The following PLXNA4 variants were observed in gnomAD, a reference collection of about 807,000 sequenced individuals.
PLXNA4 encodes plexin A4.
In PLXNA4, 44 loss-of-function variants were observed where a neutral mutation model predicts 191.8. The ratio of observed to expected loss-of-function variants is 0.23; its 90% confidence interval spans 0.18 to 0.29. The LOEUF (loss-of-function observed/expected upper bound fraction) is 0.29, where lower values mean the gene tolerates loss of function less well. PLXNA4 is among the 10% of genes least tolerant of loss of function. The pLI is 1.00. For synonymous variants in PLXNA4, 1,082 were observed against 1,009.5 expected (o/e 1.07, Z -1.36); for missense variants, 1,800 against 2,488.8 (o/e 0.72, Z 5.89).
chr7:132,213,562 C>T (rs547346230), intron 9 of PLXNA4, among the ~76,000 whole-genome samples: 3 of 152,226 alleles, frequency 2.0e-5, no homozygotes, highest in South Asian at 2.1e-4. Flanking sequence ...TCCTGTGCCC[C>T]CCACCACAGC....
chr7:132,593,246 T>C (rs767906978), intron 2 of PLXNA4, among the ~76,000 whole-genome samples: 1 of 152,188 alleles, frequency 6.6e-6, no homozygotes, highest in Non-Finnish European at 1.5e-5. Context: ...TCTCCCTGCC[T>C]ACCCCAGCTC....
chr7:132,139,880 G>A (rs1483354978), intron 30 of PLXNA4, among the ~76,000 whole-genome samples: 1 of 152,218 alleles, frequency 6.6e-6, no homozygotes, highest in African/African-American at 2.4e-5. Context: ...GGGCTTCTGT[G>A]ATGAATAAAT....
intron 1 of PLXNA4, among the ~76,000 whole-genome samples, chr7:132,537,665 T>C (rs920813150): frequency 1.3e-5 from 2 of 152,172 alleles, no homozygotes; most frequent in Non-Finnish European, 1.5e-5. Context: ...TCTACTGTGC[T>C]GCATGGAAGT....
intron 4 of PLXNA4, among the ~76,000 whole-genome samples, chr7:132,296,217 T>C (rs1801073255): frequency 6.6e-6 from 1 of 152,150 alleles, no homozygotes; most frequent in Non-Finnish European, 1.5e-5. Flanking sequence ...TCCTTTCCAA[T>C]GTGCCCATAA....
At chr7:132,373,506 A>G (rs1253446821) in intron 3 of PLXNA4, among the ~76,000 whole-genome samples, 2 of 152,164 alleles carry the variant, frequency 1.3e-5, no homozygotes, top group African/African-American at 2.4e-5. Context: ...CTCCTCCTGG[A>G]CTAAGGGCTG....
intron 3 of PLXNA4, among the ~76,000 whole-genome samples, chr7:132,380,342 C>G (rs1197341030): frequency 6.6e-6 from 1 of 152,094 alleles, no homozygotes; most frequent in East Asian, 1.9e-4. Context: ...CACTTCTCCC[C>G]CAGGGAGACT....
chr7:132,134,279 TC>T (rs1385150802), intron 30 of PLXNA4, among the ~76,000 whole-genome samples: 1 of 152,186 alleles, frequency 6.6e-6, no homozygotes, highest in African/African-American at 2.4e-5. Flanking sequence ...CCCAGCCCTA[TC>T]CTTCACTTCT....
intron 4 of PLXNA4, chr7:132,266,120 GAGA>G (rs1799847570): frequency 6.6e-6 from 1 of 152,134 alleles, no homozygotes; most frequent in South Asian, 2.1e-4. Flanking sequence ...TAGGGAAAAA[GAGA>G]AGGTTTGGGG....
intron 3 of PLXNA4, among the ~76,000 whole-genome samples, chr7:132,359,102 G>A (rs1023585794): frequency 6.6e-6 from 1 of 151,906 alleles, no homozygotes; most frequent in African/African-American, 2.4e-5. Context: ...CTCTGCAAAT[G>A]GGTACTACAA....
At chr7:132,408,796 G>A (rs2117079894) in intron 3 of PLXNA4, among the ~76,000 whole-genome samples, 1 of 152,150 alleles carries the variant, frequency 6.6e-6, no homozygotes, top group South Asian at 2.1e-4. Context: ...AGGAGGTCCA[G>A]TCACATCTCT....
At chr7:132,561,715 CCTT>C (rs1371219711) in intron 1 of PLXNA4, among the ~76,000 whole-genome samples, 20 of 139,386 alleles carry the variant, frequency 1.4e-4, no homozygotes, top group African/African-American at 3.3e-4. Context: ...TCCTCCTCCT[CCTT>C]CTCCTCCTCT....
rs117042676 is a variant in PLXNA4 at position 132,130,221 on chromosome 7, C to G, written c.*258G>C. 8 of 460,750 alleles carry G rather than the reference C, an allele frequency of 1.7e-5. No individual in the cohort carries two copies. The East Asian group carries it at 3.2e-4, about 19-fold the overall frequency. The allele number at this position is 460,750 out of a possible 1,614,324, so 28.5% of individuals were successfully genotyped here. A position where few individuals can be genotyped will look rare whatever the true frequency, so the allele number is the denominator to read the frequency against. On this transcript the variant is annotated 3_prime_UTR_variant, in exon 32 of 32. Coordinates refer to ENST00000321063, the MANE Select transcript of PLXNA4 (RefSeq NM_020911.2). ...CCTCTCTGACATCTTCTGGTCAGCT[C>G]CCTTGCCATGGGCCTGGCCATTCTT...
At chr7:132,511,219 T>C (rs1490027395) in intron 1 of PLXNA4, among the ~76,000 whole-genome samples, 8 of 152,200 alleles carry the variant, frequency 5.3e-5, no homozygotes, top group Non-Finnish European at 1.2e-4. Context: ...CCAGAGCCCA[T>C]GCAAATACTT....
chr7:132,548,481 G>A (rs567401839), intron 1 of PLXNA4, among the ~76,000 whole-genome samples: 5 of 152,268 alleles, frequency 3.3e-5, no homozygotes, highest in Admixed American at 1.3e-4. Context: ...AGTGAGAGAC[G>A]CTGCCAGGCA....
chr7:132,275,965 C>A (rs1800261646), intron 4 of PLXNA4, among the ~76,000 whole-genome samples: 1 of 152,214 alleles, frequency 6.6e-6, no homozygotes, highest in South Asian at 2.1e-4. Context: ...GGCCAGCTCT[C>A]ATTTCATTTA....
At chr7:132,259,400 C>T (rs540072879) in intron 4 of PLXNA4, among the ~76,000 whole-genome samples, 3 of 113,642 alleles carry the variant, frequency 2.6e-5, no homozygotes, top group Non-Finnish European at 1.6e-5. Context: ...GGTGTCACTG[C>T]ACTCCAGCCT....
At chr7:132,139,504 A>G (rs1353422239) in intron 30 of PLXNA4, among the ~76,000 whole-genome samples, 1 of 152,248 alleles carries the variant, frequency 6.6e-6, no homozygotes, top group Non-Finnish European at 1.5e-5. Flanking sequence ...GTCTAAATGC[A>G]GGACTGCCAT....
intron 4 of PLXNA4, among the ~76,000 whole-genome samples, chr7:132,265,698 C>T (rs1375286328): frequency 1.3e-5 from 2 of 152,182 alleles, no homozygotes; most frequent in African/African-American, 2.4e-5. Flanking sequence ...AGCAGATACA[C>T]ATGTGAATCT....
intron 10 of PLXNA4, among the ~76,000 whole-genome samples, chr7:132,207,352 G>A (rs1181858934): frequency 2.0e-5 from 3 of 152,216 alleles, no homozygotes; most frequent in Admixed American, 6.5e-5. Context: ...CGGCCCTCAC[G>A]ACCAGCACTT....
Sources: allele counts gnomAD v4.1 joint callset (sites outside exome capture counted in the v4.1 genomes callset), GRCh38; gene constraint gnomAD v4.1.1; transcripts MANE v1.5; gene names NCBI Gene and HGNC (gene_info 2026-07-23, HGNC 2026-07-21).